CYP3A5: variants seen among roughly 807,000 people sequenced by gnomAD.
CYP3A5 encodes the protein cytochrome P450 3A5.
In CYP3A5, 51 loss-of-function variants were observed where a neutral mutation model predicts 55.9. The ratio of observed to expected loss-of-function variants is 0.91; its 90% confidence interval spans 0.73 to 1.15. CYP3A5 has a LOEUF of 1.15. Ranked by LOEUF, CYP3A5 falls within the 50% of genes most tolerant of loss-of-function variation. The pLI, the probability that CYP3A5 is intolerant of heterozygous loss-of-function variation, is 0.00. For missense variants in CYP3A5, 533 were observed against 596.6 expected (o/e 0.89, Z 1.11); for synonymous variants, 196 against 213.9 (o/e 0.92, Z 0.73).
chr7:99,662,975 TC>T lies in CYP3A5; in HGVS notation c.799-94del. The T allele has an allele frequency of 6.4e-7, 1 of 1,565,848 alleles. No individual in the cohort carries two copies. Among genetic ancestry groups the T allele is most frequent in the Non-Finnish European group, 8.7e-7 (1 of 1,153,842 alleles). On this transcript the variant is annotated intron_variant, in intron 8 of 12. Coordinates refer to ENST00000222982, the MANE Select transcript of CYP3A5 (RefSeq NM_000777.5). The surrounding 1 kb of genome is among the most constrained non-coding windows in gnomAD (Gnocchi z 4.3). ...CAGTCCTCAACCTCCCTTCTTGACT[TC>T]CCTCCCTCAACCTCCCTATGGCTTC... is the stretch of plus-strand genomic sequence containing the variant.
rs1812646353 is a variant in CYP3A5 at position 99,679,680 on chromosome 7, T to C, written c.71+146A>G. On this transcript the variant is annotated intron_variant, in intron 1 of 12. Coordinates refer to ENST00000222982, the MANE Select transcript of CYP3A5 (RefSeq NM_000777.5). The stretch of plus-strand genomic sequence containing the variant: ...TTCATAGATCTGCATAAGATAATAA[T>C]AACTTCTATGCGTTTGTAGCGTCCA... The C allele has an allele frequency of 5.7e-6, 4 of 704,172 alleles. No homozygotes were observed. The South Asian group carries it at 7.2e-5, about 13-fold the overall frequency. The allele number at this position is 704,172 out of a possible 1,614,324, so 43.6% of individuals were successfully genotyped here. A position where few individuals can be genotyped will look rare whatever the true frequency, so the allele number is the denominator to read the frequency against.
At chr7:99,672,794 A>G in intron 3 of CYP3A5, 115 bp from the exon 4 acceptor site, 1 of 1,547,546 alleles carries the variant, frequency 6.5e-7, no homozygotes, top group Non-Finnish European at 8.7e-7. Flanking sequence ...CCCTAGTTGT[A>G]CGACACACAG....
At position 99,662,688 on chromosome 7, in the gene CYP3A5, T is replaced by C; in HGVS notation, c.865+128A>G. 1 of 868,386 alleles carries C rather than the reference T, an allele frequency of 1.2e-6. No individual in the cohort carries two copies. The highest frequency in any genetic ancestry group is 1.8e-6 in the Non-Finnish European group (1 of 541,410). 53.8% of individuals were successfully genotyped at this position (868,386 alleles called of 1,614,324 possible). On this transcript the variant is annotated intron_variant, in intron 9 of 12. Transcript: ENST00000222982. This position sits in a 1 kb window ranked among gnomAD's most constrained non-coding sequence, Gnocchi z 4.3. ...GCCTCCAGCTACCATTTATAACATC[T>C]AAATGTGTGTTGTTCTGCTATGTGG...
chr7:99,671,829 A>T (rs1191181515), intron 4 of CYP3A5: 1 of 702,954 alleles, frequency 1.4e-6, no homozygotes, highest in Non-Finnish European at 2.6e-6. Flanking sequence ...AGGGAGCCAC[A>T]TGGTGACGGA....
rs1398155389 is a variant in CYP3A5 at position 99,667,077 on chromosome 7, C to T, written c.319-12G>A. 6.2e-7 allele frequency: 1 copy of T among 1,606,376 alleles called. No homozygotes were observed. Among genetic ancestry groups the T allele is most frequent in the East Asian group, 2.2e-5 (1 of 44,838 alleles). ...ACTGGGCCTAAAGACTAGAGTTCAACAGAAACATTTTTTCTCACATTAGTT... is the reference window on the plus strand; with the variant it reads ...ACTGGGCCTAAAGACTAGAGTTCAATAGAAACATTTTTTCTCACATTAGTT... On this transcript the variant is annotated splice_polypyrimidine_tract_variant and intron_variant, in intron 4 of 12. Coordinates refer to ENST00000222982, the MANE Select transcript of CYP3A5 (RefSeq NM_000777.5).
chr7:99,661,825 T>C (rs1052170962), intron 9 of CYP3A5, among the ~76,000 whole-genome samples: 3 of 152,236 alleles, frequency 2.0e-5, no homozygotes, highest in African/African-American at 7.2e-5. Context: ...ATTTTAAAGT[T>C]GGGAGCTCTG....
At chr7:99,659,638 G>C (rs994121477) in intron 10 of CYP3A5, 4 of 152,614 alleles carry the variant, frequency 2.6e-5, no homozygotes, top group African/African-American at 7.2e-5. Context: ...AGAGGTTTCT[G>C]CTGCCTTTTG....
intron 4 of CYP3A5, among the ~76,000 whole-genome samples, chr7:99,668,104 CAACA>C (rs1211921428): frequency 2.6e-5 from 4 of 151,996 alleles, no homozygotes; most frequent in African/African-American, 7.2e-5. Context: ...GATACAAGAT[CAACA>C]AACAAAATTA....
In CYP3A5 at chr7:99,666,666, A is replaced by C. The variant is rs561555514; in HGVS notation, c.456T>G (p.Tyr152Ter). 1.8e-5 allele frequency: 29 copies of C among 1,614,046 alleles called. 1 individual carries two copies. In the South Asian group the frequency reaches 3.1e-4, roughly 17 times the overall value. Residue 152 changes from tyrosine (Y) to a stop codon, truncating the protein, a stop_gained, in exon 6 of 13, where the codon TAT becomes TAG. Transcript: ENST00000222982. LOFTEE classifies it high-confidence loss of function. ...LKEMFPIIAQ[Y>*]GDVLVRNLRR... ...TCAAGTTTCTCACCAATACATCTCCATACTGGGCAATGATGGGGAACATCT... is the reference window on the plus strand; with the variant it reads ...TCAAGTTTCTCACCAATACATCTCCCTACTGGGCAATGATGGGGAACATCT...
At chr7:99,664,494 T>C (rs1423301468) in intron 7 of CYP3A5, among the ~76,000 whole-genome samples, 1 of 152,196 alleles carries the variant, frequency 6.6e-6, no homozygotes, top group Non-Finnish European at 1.5e-5. Flanking sequence ...TCAACTTCCA[T>C]GGAATAAAAC....
intron 12 of CYP3A5, among the ~76,000 whole-genome samples, chr7:99,648,756 G>A (rs1808868976): frequency 6.6e-6 from 1 of 151,858 alleles, no homozygotes; most frequent in Admixed American, 6.6e-5. Flanking sequence ...TATTTTGGAA[G>A]TGCTATATAA....
chr7:99,672,885 AG>A (rs2151445681), intron 3 of CYP3A5: 2 of 1,383,026 alleles, frequency 1.4e-6, no homozygotes, highest in East Asian at 5.4e-5. Context: ...CATATGATGA[AG>A]GGTAATGTGG....
intron 10 of CYP3A5, 114 bp downstream of exon 10, chr7:99,660,385 C>T: frequency 1.4e-6 from 2 of 1,474,312 alleles, no homozygotes; most frequent in Non-Finnish European, 1.8e-6. Flanking sequence ...TACATTATGT[C>T]AGTGAAGGAA....
intron 10 of CYP3A5, among the ~76,000 whole-genome samples, chr7:99,654,670 A>G (rs990634343): frequency 5.3e-4 from 81 of 152,342 alleles, no homozygotes; most frequent in African/African-American, 1.8e-3. Context: ...GACTTCCACA[A>G]TGGTTGAACT....
At chr7:99,676,594 GA>G (rs781390266) in intron 1 of CYP3A5, 8 of 1,339,950 alleles carry the variant, frequency 6.0e-6, no homozygotes, top group East Asian at 4.5e-5. Flanking sequence ...GAAAGAGTAA[GA>G]TTTTTTTTGT....
At chr7:99,678,107 T>C (rs1420117260) in intron 1 of CYP3A5, among the ~76,000 whole-genome samples, 1 of 152,246 alleles carries the variant, frequency 6.6e-6, no homozygotes, top group East Asian at 1.9e-4. Flanking sequence ...ATTTTCTGAC[T>C]CCTGGGCTGC....
intron 11 of CYP3A5, among the ~76,000 whole-genome samples, chr7:99,650,752 C>T (rs1034337027): frequency 2.6e-5 from 4 of 152,168 alleles, no homozygotes; most frequent in Non-Finnish European, 5.9e-5. Flanking sequence ...TCCTCTGCCT[C>T]CTTCTCCTCC....
intron 10 of CYP3A5, among the ~76,000 whole-genome samples, chr7:99,656,449 T>C (rs1310318605): frequency 6.6e-6 from 1 of 152,226 alleles, no homozygotes; most frequent in African/African-American, 2.4e-5. Context: ...TCATGGTGGA[T>C]AAGCTTTTTG....
chr7:99,649,952 C>T (rs1809007120), intron 12 of CYP3A5, 121 bp downstream of exon 12: 1 of 1,258,146 alleles, frequency 7.9e-7, no homozygotes, highest in African/African-American at 1.5e-5. Context: ...AAAGATGGAT[C>T]CAAGTAGGTT....
Sources: gnomAD v4.1 joint callset for allele counts (sites outside exome capture counted in the v4.1 genomes callset) on GRCh38, gnomAD v4.1.1 for gene constraint, Gnocchi (gnomAD v3.1) non-coding constraint, MANE v1.5 for transcripts, NCBI Gene and HGNC (gene_info 2026-07-23, HGNC 2026-07-21) for gene names.